Variants in UBE4B observed in about 807,000 individuals in gnomAD.
UBE4B encodes the protein ubiquitination factor E4B.
UBE4B carries 27 observed loss-of-function variants against 148.1 expected under a neutral mutation model. The ratio of observed to expected loss-of-function variants is 0.18; its 90% CI spans 0.13 to 0.25. The LOEUF (loss-of-function observed/expected upper bound fraction) is 0.25. Among genes scored for constraint, UBE4B ranks in the 10% least tolerant of loss-of-function variants. The pLI, the probability that UBE4B is intolerant of heterozygous loss-of-function variation, is 1.00. For synonymous variants in UBE4B, 596 were observed against 619.3 expected, an observed-to-expected ratio of 0.96 and a Z score of 0.56; for missense variants, 1,170 against 1,662.4, an observed-to-expected ratio of 0.70 and a Z score of 5.15.
At chr1:10,118,476 T>C (rs1645352405) in intron 8 of UBE4B, among the ~76,000 whole-genome samples, 1 of 152,094 alleles carries the variant, frequency 6.6e-6, no homozygotes, top group African/African-American at 2.4e-5. Flanking sequence ...TAGCTGGGAT[T>C]ACAGGCACCT....
intron 1 of UBE4B, among the ~76,000 whole-genome samples, chr1:10,041,652 A>G (rs916848443): frequency 2.6e-5 from 4 of 151,748 alleles, no homozygotes; most frequent in African/African-American, 9.7e-5. Flanking sequence ...TAGCATTCTT[A>G]CGGTCCCTTC....
intron 22 of UBE4B, 68 bp downstream of exon 22, chr1:10,158,550 A>G: frequency 1.3e-6 from 2 of 1,569,574 alleles, no homozygotes; most frequent in Non-Finnish European, 1.7e-6. Context: ...GCAGCTTAAA[A>G]GCATGCACAG....
chr1:10,079,670 G>C (rs1570841626), intron 2 of UBE4B, among the ~76,000 whole-genome samples: 1 of 152,138 alleles, frequency 6.6e-6, no homozygotes. Flanking sequence ...CCTCTGCTCT[G>C]GGAGCAGAAA....
chr1:10,098,276 C>A (rs1055809992), intron 3 of UBE4B, among the ~76,000 whole-genome samples: 2 of 152,102 alleles, frequency 1.3e-5, no homozygotes, highest in Admixed American at 1.3e-4. Context: ...CTATAAATAT[C>A]ATCTACCATA....
intron 17 of UBE4B, among the ~76,000 whole-genome samples, chr1:10,138,158 C>T (rs1645724996): frequency 6.6e-6 from 1 of 150,462 alleles, no homozygotes; most frequent in African/African-American, 2.5e-5. Context: ...AGTCCAATGG[C>T]ATGATCTCGG....
chr1:10,154,778 G>A (rs1646039767), intron 21 of UBE4B, among the ~76,000 whole-genome samples: 1 of 151,848 alleles, frequency 6.6e-6, no homozygotes, highest in Non-Finnish European at 1.5e-5. Flanking sequence ...GGAGGCAGAG[G>A]TTGCAGTGAG....
At chr1:10,095,106 G>A (rs909696881) in intron 2 of UBE4B, among the ~76,000 whole-genome samples, 3 of 152,030 alleles carry the variant, frequency 2.0e-5, no homozygotes, top group African/African-American at 7.2e-5. Context: ...TCTTTTGGGC[G>A]CATTTCAAGG....
intron 7 of UBE4B, among the ~76,000 whole-genome samples, chr1:10,108,192 TC>T (rs1346229981): frequency 1.9e-5 from 1 of 51,898 alleles, no homozygotes; most frequent in African/African-American, 7.6e-5. Context: ...TCCCACCCCC[TC>T]CCAGCCTCCA....
Position 10,161,325 on chromosome 1 carries a change from C to G in UBE4B, c.3198+39C>G, listed in dbSNP as rs750027923. 2.5e-6 allele frequency: 4 copies of G among 1,599,946 alleles called. No individual in the cohort carries two copies. Among genetic ancestry groups the G allele is most frequent in the Non-Finnish European group, 3.4e-6 (4 of 1,170,502 alleles). ...CCAGAGGCTTGGACAGCTTTGCAGG[C>G]CATCTGCCTCCACACACGGGCAGAG... On this transcript the variant is annotated intron_variant, in intron 23 of 27. Transcript: ENST00000343090. The surrounding 1 kb of genome is among the most constrained non-coding windows in gnomAD (Gnocchi z 4.1).
At chr1:10,111,731 C>T (rs1013150881) in intron 7 of UBE4B, among the ~76,000 whole-genome samples, 2 of 152,052 alleles carry the variant, frequency 1.3e-5, no homozygotes, top group African/African-American at 2.4e-5. Context: ...CCGAGGTGGG[C>T]GGATCACTTG....
intron 17 of UBE4B, 75 bp downstream of exon 17, chr1:10,137,280 A>G: frequency 6.3e-7 from 1 of 1,586,360 alleles, no homozygotes; most frequent in South Asian, 1.1e-5. Context: ...TTCCATTGTG[A>G]ACAGTAGTTT....
intron 9 of UBE4B, among the ~76,000 whole-genome samples, chr1:10,119,838 T>C (rs968984397): frequency 1.3e-5 from 2 of 152,262 alleles, no homozygotes; most frequent in African/African-American, 4.8e-5. Flanking sequence ...TAGTTATGTT[T>C]TAAGAATTCT....
rs1645119938 is a variant in UBE4B, at chr1:10,106,763, A to G, written c.1196+180A>G. Among the ~76,000 whole-genome samples, 1 of 152,174 alleles carries G rather than the reference A, an allele frequency of 6.6e-6. No homozygotes were observed. On this transcript the variant is annotated intron_variant, in intron 7 of 27. Transcript: ENST00000343090. This position sits in a 1 kb window ranked among gnomAD's most constrained non-coding sequence, Gnocchi z 4.2. ...TGAGTCCATGCTTCTGCCAGGCTCT[A>G]ATCATGCTGGAAAGTTTGGGTTGCT...
intron 1 of UBE4B, among the ~76,000 whole-genome samples, chr1:10,043,332 G>C (rs1039323811): frequency 1.3e-5 from 2 of 150,858 alleles, no homozygotes; most frequent in African/African-American, 4.9e-5. Context: ...AACTTACTGA[G>C]ATCTCAACTG....
intron 18 of UBE4B, among the ~76,000 whole-genome samples, chr1:10,146,120 C>T (rs1367837698): frequency 2.0e-5 from 3 of 152,152 alleles, no homozygotes; most frequent in African/African-American, 4.8e-5. Flanking sequence ...TGTGCACCCC[C>T]CTAAGCAGTC....
At chr1:10,066,794 T>C (rs1042995318) in intron 1 of UBE4B, among the ~76,000 whole-genome samples, 1 of 151,584 alleles carries the variant, frequency 6.6e-6, no homozygotes, top group African/African-American at 2.4e-5. Flanking sequence ...TAGTCCCAGC[T>C]ACTCGGGAGG....
At chr1:10,063,838 G>A (rs1423012947) in intron 1 of UBE4B, among the ~76,000 whole-genome samples, 1 of 151,756 alleles carries the variant, frequency 6.6e-6, no homozygotes, top group Non-Finnish European at 1.5e-5. Flanking sequence ...AACCAGGGAG[G>A]CAGAGGTTGC....
intron 1 of UBE4B, among the ~76,000 whole-genome samples, chr1:10,039,517 G>T (rs1179654040): frequency 6.6e-6 from 1 of 151,922 alleles, no homozygotes; most frequent in African/African-American, 2.4e-5. Flanking sequence ...GCAGCCTCTG[G>T]TTCCCGGGTT....
At chr1:10,095,426 C>T (rs780062085) in intron 2 of UBE4B, 35 bp from the exon 3 acceptor site, 8 of 1,610,254 alleles carry the variant, frequency 5.0e-6, no homozygotes, top group Non-Finnish European at 6.8e-6. Flanking sequence ...CATTATTTCA[C>T]ATGGGGCTTC....
Sources: allele counts gnomAD v4.1 joint callset (sites outside exome capture counted in the v4.1 genomes callset), GRCh38; gene constraint gnomAD v4.1.1; non-coding constraint Gnocchi (gnomAD v3.1); transcripts MANE v1.5; gene names NCBI Gene and HGNC (gene_info 2026-07-23, HGNC 2026-07-21).